The following ABCA13 variants were observed in gnomAD, a reference collection of about 807,000 sequenced individuals.
ABCA13 encodes the protein ATP-binding cassette sub-family A member 13.
ABCA13 carries 476 observed loss-of-function variants against 478.7 expected under a neutral mutation model. The ratio of observed to expected loss-of-function variants is 0.99; its 90% CI spans 0.92 to 1.07. ABCA13 has a LOEUF of 1.07. ABCA13 is among the 50% of genes least tolerant of loss of function. ABCA13 has a pLI of 0.00. For missense variants in ABCA13, 6,060 were observed against 5,910.6 expected, an observed-to-expected ratio of 1.03 and a Z score of -0.83; for synonymous variants, 2,252 against 2,158.9, an observed-to-expected ratio of 1.04 and a Z score of -1.20.
intron 41 of ABCA13, among the ~76,000 whole-genome samples, chr7:48,414,904 G>C (rs1210390708): frequency 6.6e-6 from 1 of 152,168 alleles, no homozygotes; most frequent in Non-Finnish European, 1.5e-5. Context: ...GGGATTGCAT[G>C]AGACGTTGCT....
chr7:48,577,874 C>T (rs1026527717), intron 55 of ABCA13, among the ~76,000 whole-genome samples: 2 of 151,978 alleles, frequency 1.3e-5, no homozygotes, highest in Non-Finnish European at 2.9e-5. Flanking sequence ...GAATTATATA[C>T]TATGACAAAG....
At chr7:48,342,499 C>T (rs1455925029) in intron 29 of ABCA13, among the ~76,000 whole-genome samples, 1 of 152,064 alleles carries the variant, frequency 6.6e-6, no homozygotes, top group African/African-American at 2.4e-5. Flanking sequence ...CCAGCCTCTC[C>T]CCCTTCTTTT....
intron 13 of ABCA13, among the ~76,000 whole-genome samples, chr7:48,246,705 T>C (rs1005460579): frequency 5.3e-5 from 8 of 152,180 alleles, no homozygotes; most frequent in Non-Finnish European, 1.2e-4. Context: ...GGATAGTAAT[T>C]GAATAGTGTG....
intron 3 of ABCA13, among the ~76,000 whole-genome samples, chr7:48,201,683 A>G (rs1282303429): frequency 6.6e-6 from 1 of 152,162 alleles, no homozygotes; most frequent in African/African-American, 2.4e-5. Flanking sequence ...TCGCACCACT[A>G]AACTCCAGCC....
At chr7:48,535,578 A>T (rs1563406306) in intron 55 of ABCA13, among the ~76,000 whole-genome samples, 1 of 151,948 alleles carries the variant, frequency 6.6e-6, no homozygotes, top group East Asian at 1.9e-4. Context: ...TTCCCAAGAG[A>T]TTATGTGCTT....
rs531335532 is a variant in ABCA13 at position 48,461,437 on chromosome 7, G to A, written c.12816-5519G>A. Among the ~76,000 whole-genome samples, 8 of 152,300 alleles carry A rather than the reference G, an allele frequency of 5.3e-5. No individual in the cohort carries two copies. In the East Asian group the frequency reaches 9.6e-4, roughly 18 times the overall value. On this transcript the variant is annotated intron_variant, in intron 43 of 61. Coordinates refer to ENST00000435803, the MANE Select transcript of ABCA13 (RefSeq NM_152701.5). ...AGAAGCTGCTTTCTCAATGTAACTC[G>A]CCCATGGTCCTTTTACAGTCCAGTG...
chr7:48,218,398 T>A (rs1786812464), intron 3 of ABCA13, among the ~76,000 whole-genome samples: 1 of 152,194 alleles, frequency 6.6e-6, no homozygotes, highest in Non-Finnish European at 1.5e-5. Flanking sequence ...AAGGTAAGAT[T>A]TCTGGCTGGT....
At chr7:48,420,469 T>C (rs573107946) in intron 41 of ABCA13, among the ~76,000 whole-genome samples, 3 of 152,346 alleles carry the variant, frequency 2.0e-5, no homozygotes, top group Admixed American at 1.3e-4. Context: ...CAAAACTTTC[T>C]GGCATAATGC....
chr7:48,572,151 G>C (rs114286647), intron 55 of ABCA13, among the ~76,000 whole-genome samples: 1,547 of 152,252 alleles, frequency 0.01, 32 homozygotes, highest in African/African-American at 0.035. Flanking sequence ...ATGCATTCCA[G>C]CCTGGGTGAT....
chr7:48,513,331 T>G (rs1831854306), intron 51 of ABCA13, among the ~76,000 whole-genome samples: 1 of 152,204 alleles, frequency 6.6e-6, no homozygotes, highest in Admixed American at 6.5e-5. Flanking sequence ...GATAACAAGA[T>G]AAACATGCCT....
intron 3 of ABCA13, among the ~76,000 whole-genome samples, chr7:48,215,965 T>C (rs530490352): frequency 2.6e-4 from 39 of 152,352 alleles, no homozygotes; most frequent in African/African-American, 9.4e-4. Context: ...GATGATCAAC[T>C]AATATTCCCT....
At chr7:48,611,541 TG>T (rs1792025771) in intron 58 of ABCA13, among the ~76,000 whole-genome samples, 1 of 152,124 alleles carries the variant, frequency 6.6e-6, no homozygotes, top group African/African-American at 2.4e-5. Context: ...CTTACAATCA[TG>T]GCAGAAGGCA....
chr7:48,389,122 G>C lies in ABCA13; in HGVS notation c.11556G>C (p.Glu3852Asp). Residue 3852 changes from glutamate (E) to aspartate (D), a missense_variant, in exon 37 of 62, where the codon GAG becomes GAC. Glu to Asp is a conservative substitution (Grantham distance 45). Coordinates refer to ENST00000435803, the MANE Select transcript of ABCA13 (RefSeq NM_152701.5). ...VTLVSVTKEY[E>D]GHKAVVQDLS... is the part of the protein sequence containing the mutation. ...TGGTGTCTGTGACCAAGGAATATGAGGGCCACAAGGCTGTGGTCCAAGACC... is the reference window on the plus strand; with the variant it reads ...TGGTGTCTGTGACCAAGGAATATGACGGCCACAAGGCTGTGGTCCAAGACC... 1 of 1,613,918 alleles carries C rather than the reference G, an allele frequency of 6.2e-7. No homozygotes were observed. The highest frequency in any genetic ancestry group is 2.2e-5 in the East Asian group (1 of 44,874).
intron 35 of ABCA13, among the ~76,000 whole-genome samples, chr7:48,383,730 AT>A (rs1251588488): frequency 2.0e-5 from 3 of 152,256 alleles, no homozygotes; most frequent in Non-Finnish European, 4.4e-5. Flanking sequence ...GCAGGAAAAA[AT>A]TCAGTTATCT....
chr7:48,335,490 C>T lies in ABCA13; in HGVS notation c.10068C>T (p.Ser3356=), dbSNP rs1415141573. ...TLSETLLEMS[S]LFQRSGSGQM... The stretch of plus-strand genomic sequence containing the variant: ...CAGAAACACTGCTGGAAATGTCCAG[C>T]CTTTTCCAGAGAAGTGGAAGTGGCC... Residue 3356 remains serine (S), a synonymous_variant, in exon 28 of 62, where the codon AGC becomes AGT. Transcript: ENST00000435803. 1 of 1,613,458 alleles carries T rather than the reference C, an allele frequency of 6.2e-7. No homozygotes were observed. Among genetic ancestry groups the T allele is most frequent in the Admixed American group, 1.7e-5 (1 of 59,980 alleles).
At chr7:48,411,239 T>A (rs529361741) in intron 40 of ABCA13, among the ~76,000 whole-genome samples, 3 of 138,294 alleles carry the variant, frequency 2.2e-5, no homozygotes, top group Non-Finnish European at 4.8e-5. Flanking sequence ...CTTTCTTTCT[T>A]TCTCTTTCTG....
At chr7:48,193,889 TC>T (rs1797499306) in intron 2 of ABCA13, among the ~76,000 whole-genome samples, 2 of 123,244 alleles carry the variant, frequency 1.6e-5, no homozygotes, top group African/African-American at 6.2e-5. Context: ...ATAACCGTGA[TC>T]ATGATGAGGG....
intron 55 of ABCA13, among the ~76,000 whole-genome samples, chr7:48,565,526 G>T (rs1273929126): frequency 6.6e-6 from 1 of 152,064 alleles, no homozygotes; most frequent in Non-Finnish European, 1.5e-5. Context: ...GTGTGTATGT[G>T]TGTGTGTACC....
rs1266941510 is a variant in ABCA13, at chr7:48,580,223, G to A, written c.14355-1G>A. The A allele has an allele frequency of 6.2e-7, 1 of 1,607,830 alleles. No homozygotes were observed. The highest frequency in any genetic ancestry group is 1.7e-4 in the Middle Eastern group (1 of 6,040). On this transcript the variant is annotated splice_acceptor_variant, in intron 55 of 61. Transcript: ENST00000435803. LOFTEE classifies it high-confidence loss of function. ...TCAGCCTGTGCTGCTTCTCTCTGCA[G>A]AGACGCCGTGGACCTGTCTTCTGCT...
Sources: gnomAD v4.1 joint callset for allele counts (sites outside exome capture counted in the v4.1 genomes callset) on GRCh38, gnomAD v4.1.1 for gene constraint, MANE v1.5 for transcripts, NCBI Gene and HGNC (gene_info 2026-07-23, HGNC 2026-07-21) for gene names.